The following CFAP46 variants were observed in gnomAD, a reference collection of about 807,000 sequenced individuals.
The protein encoded by CFAP46 is cilia- and flagella-associated protein 46.
In CFAP46, 245 loss-of-function variants were observed where a neutral mutation model predicts 325.7. The observed-to-expected ratio is 0.75, with a 90% CI of 0.68 to 0.84. The LOEUF is 0.84. Among genes scored for constraint, CFAP46 ranks in the 40% least tolerant of loss-of-function variants. The pLI is 0.00. For missense variants in CFAP46, 3,346 were observed against 3,543.0 expected, an observed-to-expected ratio of 0.94 and a Z score of 1.41; for synonymous variants, 1,523 against 1,495.9, an observed-to-expected ratio of 1.02 and a Z score of -0.42.
Position 132,913,196 on chromosome 10 carries a change from C to A in CFAP46, c.2183G>T (p.Gly728Val), listed in dbSNP as rs1849581441. Residue 728 changes from glycine to valine, a missense_variant, in exon 18 of 58, where the codon GGA becomes GTA. Coordinates refer to ENST00000368586, the MANE Select transcript of CFAP46 (RefSeq NM_001200049.3). ...MNNWLRSAEI[G>V]QEIQEAWIVQ... The stretch of plus-strand genomic sequence containing the variant: ...AATCCACGCCTCCTGGATCTCCTGT[C>A]CGATCTCTGCGGAGCGCAGCCAGTT... The A allele has an allele frequency of 6.4e-7, 1 of 1,550,480 alleles. No individual in the cohort carries two copies. The highest frequency in any genetic ancestry group is 8.7e-7 in the Non-Finnish European group (1 of 1,146,998).
chr10:132,872,608 C>T (rs1238777369), intron 32 of CFAP46, 68 bp downstream of exon 32: 1 of 1,518,360 alleles, frequency 6.6e-7, no homozygotes, highest in Non-Finnish European at 8.9e-7. Flanking sequence ...AGAATTAATA[C>T]CTTAACATGT....
chr10:132,891,250 A>G (rs1299317110), intron 25 of CFAP46, among the ~76,000 whole-genome samples: 1 of 152,082 alleles, frequency 6.6e-6, no homozygotes, highest in East Asian at 1.9e-4. Context: ...AAGCCCCCCA[A>G]CCGACTGAAT....
At chr10:132,911,436 G>A (rs1405953585) in intron 19 of CFAP46, among the ~76,000 whole-genome samples, 3 of 152,142 alleles carry the variant, frequency 2.0e-5, no homozygotes, top group African/African-American at 4.8e-5. Flanking sequence ...AAAGTCTTCC[G>A]CAAGGGTGGG....
chr10:132,918,987 C>T (rs2135588595), intron 15 of CFAP46, among the ~76,000 whole-genome samples: 1 of 152,340 alleles, frequency 6.6e-6, no homozygotes, highest in African/African-American at 2.4e-5. Flanking sequence ...CACGCTGGGC[C>T]TGTGGCCACT....
intron 39 of CFAP46, 124 bp from the exon 40 acceptor site, chr10:132,851,429 T>G: frequency 1.1e-6 from 1 of 878,082 alleles, no homozygotes; most frequent in Middle Eastern, 2.6e-4. Flanking sequence ...AGATCTACAG[T>G]GGAAAACTGA....
At chr10:132,922,079 T>C (rs1564801713) in intron 13 of CFAP46, 25 bp downstream of exon 13, 1 of 1,547,304 alleles carries the variant, frequency 6.5e-7, no homozygotes, top group Admixed American at 2.0e-5. Context: ...CGTTCTGGGC[T>C]GGGAGAGCCC....
At position 132,808,615 on chromosome 10, in the gene CFAP46, G is replaced by A. The variant is rs750730989; in HGVS notation, c.7954C>T (p.Pro2652Ser). 1 of 1,611,458 alleles carries A rather than the reference G, an allele frequency of 6.2e-7. No individual in the cohort carries two copies. The highest frequency in any genetic ancestry group is 1.3e-5 in the African/African-American group (1 of 75,004). The change falls in exon 58 of 58, where the codon CCC (proline) becomes TCC (serine). Residue 2652 changes from proline (P) to serine (S), a missense_variant. Pro to Ser is a moderately conservative substitution (Grantham distance 74, BLOSUM62 -1). Transcript: ENST00000368586. This position sits in a 1 kb window ranked among gnomAD's most constrained non-coding sequence, Gnocchi z 6.8. Reference sequence around the variant, plus strand: ...GCTGCCTTGCGGGAAGTCGCTGGGGGAGGGTCCCTGGCTGAGGCTGCACCA... The same window carrying A: ...GCTGCCTTGCGGGAAGTCGCTGGGGAAGGGTCCCTGGCTGAGGCTGCACCA... ...ALGAASARDPPPATSRKAAAW... is the reference protein window; with the variant it reads ...ALGAASARDPSPATSRKAAAW...
chr10:132,879,226 T>G (rs1411002377), intron 29 of CFAP46, among the ~76,000 whole-genome samples, 200 bp downstream of exon 29: 1 of 151,334 alleles, frequency 6.6e-6, no homozygotes, highest in East Asian at 1.9e-4. Context: ...TTTGGGGGAG[T>G]CTCTTGTTTT....
chr10:132,814,449 T>C (rs939871690), intron 53 of CFAP46, 128 bp downstream of exon 53: 47 of 1,250,730 alleles, frequency 3.8e-5, no homozygotes, highest in Non-Finnish European at 5.2e-5. Context: ...ACAGCCAAAA[T>C]GGGGCAAGCA....
chr10:132,878,496 C>A (rs140393206), intron 29 of CFAP46, among the ~76,000 whole-genome samples: 1 of 152,132 alleles, frequency 6.6e-6, no homozygotes, highest in Non-Finnish European at 1.5e-5. Flanking sequence ...GGGCCCCTCG[C>A]GGCCCTGACA....
rs930426483 is a variant in CFAP46 at position 132,918,540 on chromosome 10, G to A, written c.1859-20C>T. 2.1e-5 allele frequency: 31 copies of A among 1,505,118 alleles called. 2 individuals carry two copies. In the African/African-American group the frequency reaches 3.9e-4, roughly 19 times the overall value. The allele number at this position is 1,505,118 out of a possible 1,614,324, so 93.2% of individuals were successfully genotyped here. On this transcript the variant is annotated intron_variant, in intron 15 of 57. Coordinates refer to ENST00000368586, the MANE Select transcript of CFAP46 (RefSeq NM_001200049.3). ...TCTTCCCTGAGAGAAATGGCAGCAG[G>A]TAAGGATCATGTTTTTTTCTAGCAA...
chr10:132,936,892 G>A, intron 7 of CFAP46, 69 bp downstream of exon 7: 4 of 900,918 alleles, frequency 4.4e-6, no homozygotes, highest in Non-Finnish European at 4.8e-6. Flanking sequence ...CCCCATGGAG[G>A]GGACAGAGCT....
At chr10:132,872,587 C>A in intron 32 of CFAP46, 89 bp downstream of exon 32, 1 of 1,402,506 alleles carries the variant, frequency 7.1e-7, no homozygotes, top group Non-Finnish European at 9.9e-7. Flanking sequence ...ATTATTTACA[C>A]AGTCAACTAC....
At chr10:132,861,084 G>T in intron 35 of CFAP46, 102 bp from the exon 36 acceptor site, 1 of 1,149,090 alleles carries the variant, frequency 8.7e-7, no homozygotes, top group Non-Finnish European at 1.2e-6. Context: ...CAGAGAGGCA[G>T]AGACAGACAG....
chr10:132,913,365 T>TGGGTGGG, intron 17 of CFAP46, 107 bp from the exon 18 acceptor site: 1 of 279,300 alleles, frequency 3.6e-6, no homozygotes, highest in Non-Finnish European at 7.2e-6. Flanking sequence ...GGGCAAGAAG[T>TGGGTGGG]GGGAGGGGCG....
intron 25 of CFAP46, among the ~76,000 whole-genome samples, chr10:132,887,738 TTC>T (rs370882759): frequency 1.1e-4 from 9 of 82,176 alleles, no homozygotes; most frequent in African/African-American, 4.9e-4. Context: ...CTCTCCCCTC[TTC>T]TCTCTCTCCT....
rs1303784818 is a variant in CFAP46 at position 132,938,723 on chromosome 10, G to T, written c.402C>A (p.Val134=). The change falls in exon 5 of 58, where the codon GTC becomes GTA. Residue 134 remains valine, a synonymous_variant. Coordinates refer to ENST00000368586, the MANE Select transcript of CFAP46 (RefSeq NM_001200049.3). ...RYYFLVYNAS[V]LYWQMVRPFL... is the part of the protein sequence containing the mutation. Reference sequence around the variant, plus strand: ...ACGGCCTCACCATCTGCCAGTAGAGGACTGATGCATTGTACACCAAAAAGT... The same window carrying T: ...ACGGCCTCACCATCTGCCAGTAGAGTACTGATGCATTGTACACCAAAAAGT... 2 of 1,613,368 alleles carry T rather than the reference G, an allele frequency of 1.2e-6. No homozygotes were observed. The highest frequency in any genetic ancestry group is 3.3e-5 in the Admixed American group (2 of 60,008).
chr10:132,899,002 T>G lies in CFAP46; in HGVS notation c.3176A>C (p.Lys1059Thr). 2 of 1,550,608 alleles carry G rather than the reference T, an allele frequency of 1.3e-6. No individual in the cohort carries two copies. Among genetic ancestry groups the G allele is most frequent in the Non-Finnish European group, 1.7e-6 (2 of 1,146,992 alleles). Residue 1059 changes from lysine to threonine, a missense_variant, in exon 24 of 58, where the codon AAG becomes ACG. Lys to Thr is a moderately conservative substitution (Grantham distance 78). Coordinates refer to ENST00000368586, the MANE Select transcript of CFAP46 (RefSeq NM_001200049.3). ...CTTGTTGATGATGCCGATGAGCCTCTTCAGGGCACCCTTGGCCTTCTTCCT... is the reference window on the plus strand; with the variant it reads ...CTTGTTGATGATGCCGATGAGCCTCGTCAGGGCACCCTTGGCCTTCTTCCT... ...VYRKKAKGAL[K>T]RLIGIINKTE...
In CFAP46 at chr10:132,885,194, T is replaced by C. The variant is rs1849104231; in HGVS notation, c.3536A>G (p.Tyr1179Cys). Residue 1179 changes from tyrosine to cysteine, a missense_variant, in exon 27 of 58, where the codon TAC (tyrosine) becomes TGC (cysteine). Tyr to Cys is a radical substitution (Grantham distance 194, BLOSUM62 -2). Transcript: ENST00000368586. ...IQKFKAESED[Y>C]LARMWHRLAL... is the part of the protein sequence containing the mutation. The stretch of plus-strand genomic sequence containing the variant: ...CAGGCGGTGCCACATGCGCGCCAAG[T>C]AGTCCTCACTCTCGGCCTTGAATTT... 1.3e-6 allele frequency: 2 copies of C among 1,550,482 alleles called. No individual in the cohort carries two copies. Among genetic ancestry groups the C allele is most frequent in the East Asian group, 2.4e-5 (1 of 40,906 alleles).
Sources: gnomAD v4.1 joint callset for allele counts (sites outside exome capture counted in the v4.1 genomes callset) on GRCh38, gnomAD v4.1.1 for gene constraint, Gnocchi (gnomAD v3.1) non-coding constraint, MANE v1.5 for transcripts, NCBI Gene and HGNC (gene_info 2026-07-23, HGNC 2026-07-21) for gene names.